ABI3BP: variants seen among roughly 807,000 people sequenced by gnomAD.
The protein encoded by ABI3BP is ABI family member 3 binding protein.
Under a neutral mutation model 268.6 loss-of-function variants are expected in ABI3BP, and 216 were observed. The ratio of observed to expected loss-of-function variants is 0.80; its 90% CI spans 0.72 to 0.90. ABI3BP has a LOEUF of 0.90. ABI3BP is among the 40% of genes least tolerant of loss of function. The pLI is 0.00. For synonymous variants in ABI3BP, 730 were observed against 730.0 expected (o/e 1.00, Z 0.00); for missense variants, 2,090 against 2,182.4 (o/e 0.96, Z 0.84).
chr3:100,778,395 G>A lies in ABI3BP; in HGVS notation c.4241-19C>T. The A allele has an allele frequency of 1.2e-6, 2 of 1,600,472 alleles. No homozygotes were observed. Among genetic ancestry groups the A allele is most frequent in the Non-Finnish European group, 1.7e-6 (2 of 1,170,486 alleles). On this transcript the variant is annotated intron_variant, in intron 58 of 67. Transcript: ENST00000471714. ...CGAGTCCCTGGGATTGTGGATAAGA[G>A]ATTGTATTTTAGATAAAGCCATCAT...
rs1287483018 is a variant in ABI3BP at position 100,810,474 on chromosome 3, G to A, written c.3545C>T (p.Thr1182Met). The change falls in exon 49 of 68, where the codon ACG (threonine) becomes ATG (methionine). Residue 1182 changes from threonine (T) to methionine (M), a missense_variant. Thr to Met is a moderately conservative substitution (Grantham distance 81, BLOSUM62 -1). Transcript: ENST00000471714. ...VSEPPETTLE[T>M]SPLPSQSITL... ...TATAGATTGAGAAGGCAGAGGCGACGTTTCTATGGTAATTGAAGGAAAGTA... is the reference window on the plus strand; with the variant it reads ...TATAGATTGAGAAGGCAGAGGCGACATTTCTATGGTAATTGAAGGAAAGTA... 11 of 1,534,430 alleles carry A rather than the reference G, an allele frequency of 7.2e-6. No individual in the cohort carries two copies. Among genetic ancestry groups the A allele is most frequent in the Middle Eastern group, 1.7e-4 (1 of 6,000 alleles).
At position 100,750,384 on chromosome 3, in the gene ABI3BP, G is replaced by T; in HGVS notation, c.*111C>A. 1 of 704,942 alleles carries T rather than the reference G, an allele frequency of 1.4e-6. No individual in the cohort carries two copies. Among genetic ancestry groups the T allele is most frequent in the Non-Finnish European group, 2.3e-6 (1 of 433,148 alleles). The allele number at this position is 704,942 out of a possible 1,614,324, so 43.7% of individuals were successfully genotyped here. On this transcript the variant is annotated 3_prime_UTR_variant, in exon 68 of 68. Coordinates refer to ENST00000471714, the MANE Select transcript of ABI3BP (RefSeq NM_001375547.2). ...AAACATCTAGTATTGCTATTAATTA[G>T]ATTGTAGACTTTTATACATAGTAAA...
At chr3:100,772,542 A>G (rs1559956535) in intron 61 of ABI3BP, among the ~76,000 whole-genome samples, 4 of 152,212 alleles carry the variant, frequency 2.6e-5, no homozygotes, top group African/African-American at 7.2e-5. Context: ...GCAGATTGTG[A>G]TAAATTAAAG....
At chr3:100,903,999 A>G (rs1290528423) in intron 2 of ABI3BP, among the ~76,000 whole-genome samples, 1 of 152,156 alleles carries the variant, frequency 6.6e-6, no homozygotes, top group Non-Finnish European at 1.5e-5. Flanking sequence ...GGAATGCTGG[A>G]CCCAAATCAA....
chr3:100,823,416 A>G lies in ABI3BP; in HGVS notation c.2803+42T>C, dbSNP rs1190953937. 46 of 1,481,264 alleles carry G rather than the reference A, an allele frequency of 3.1e-5. No homozygotes were observed. In the Admixed American group the frequency reaches 8.8e-4, roughly 28 times the overall value. 91.8% of individuals were successfully genotyped at this position (1,481,264 alleles called of 1,614,324 possible). A position where few individuals can be genotyped will look rare whatever the true frequency, so the allele number is the denominator to read the frequency against. ...ACAAATTGAAACTCTAGGTTTGACA[A>G]TAAGCAAAAGAAGCTTGTCGAAAAC... On this transcript the variant is annotated intron_variant, in intron 37 of 67. Transcript: ENST00000471714.
chr3:100,778,577 C>A (rs1165640367), intron 58 of ABI3BP: 1 of 590,942 alleles, frequency 1.7e-6, no homozygotes, highest in Non-Finnish European at 3.0e-6. Flanking sequence ...CCAGGGACAA[C>A]AACGCACTGT....
chr3:100,958,604 G>A (rs748872854), intron 1 of ABI3BP, among the ~76,000 whole-genome samples: 4 of 116,838 alleles, frequency 3.4e-5, no homozygotes, highest in South Asian at 3.6e-4. Flanking sequence ...CCACCTTTGC[G>A]ACAAGCAAGA....
At position 100,750,157 on chromosome 3, in the gene ABI3BP, T is replaced by C. The variant is rs1288111672; in HGVS notation, c.*338A>G. On this transcript the variant is annotated 3_prime_UTR_variant, in exon 68 of 68. Coordinates refer to ENST00000471714, the MANE Select transcript of ABI3BP (RefSeq NM_001375547.2). ...AAATTTTTTTTAAAAAGTATATACC[T>C]TTTTGATGTTAATTTTGTTATAAAA... is the stretch of plus-strand genomic sequence containing the variant. 15 of 217,898 alleles carry C rather than the reference T, an allele frequency of 6.9e-5. No homozygotes were observed. The highest frequency in any genetic ancestry group is 1.3e-4 in the Non-Finnish European group (15 of 112,274). The allele number at this position is 217,898 out of a possible 1,614,324, so 13.5% of individuals were successfully genotyped here.
At chr3:100,902,995 A>C (rs1033363706) in intron 2 of ABI3BP, among the ~76,000 whole-genome samples, 1 of 152,202 alleles carries the variant, frequency 6.6e-6, no homozygotes, top group Non-Finnish European at 1.5e-5. Flanking sequence ...ATATATTTTA[A>C]AAAATCAGAG....
Position 100,765,959 on chromosome 3 carries a change from G to GA in ABI3BP, c.4742-11dup. 3 of 1,581,376 alleles carry GA rather than the reference G, an allele frequency of 1.9e-6. No individual in the cohort carries two copies. The highest frequency in any genetic ancestry group is 1.7e-4 in the Middle Eastern group (1 of 5,996). On this transcript the variant is annotated splice_polypyrimidine_tract_variant and intron_variant, in intron 62 of 67. Transcript: ENST00000471714. ...GATATAACTTCATATTCTGTAAAGC[G>GA]AAAGAAGCCAACAGATACTTGTTTT...
At chr3:100,875,027 C>T in intron 8 of ABI3BP, 94 bp from the exon 9 acceptor site, 1 of 631,390 alleles carries the variant, frequency 1.6e-6, no homozygotes, top group Non-Finnish European at 2.6e-6. Context: ...AACTATGAAG[C>T]ATAGCACTTA....
intron 9 of ABI3BP, among the ~76,000 whole-genome samples, chr3:100,871,748 G>A (rs1046922887): frequency 3.3e-5 from 5 of 152,108 alleles, no homozygotes; most frequent in Admixed American, 6.6e-5. Context: ...GTCCAGTCTC[G>A]GGTATATCTT....
intron 34 of ABI3BP, among the ~76,000 whole-genome samples, chr3:100,827,837 G>T (rs2098416232): frequency 6.6e-6 from 1 of 152,102 alleles, no homozygotes; most frequent in South Asian, 2.1e-4. Flanking sequence ...TTATGATGGA[G>T]ACTAGGGGGA....
At position 100,817,455 on chromosome 3, in the gene ABI3BP, C is replaced by G; in HGVS notation, c.3129G>C (p.Lys1043Asn). 6.6e-7 allele frequency: 1 copy of G among 1,509,916 alleles called. No homozygotes were observed. The highest frequency in any genetic ancestry group is 8.8e-7 in the Non-Finnish European group (1 of 1,130,466). The allele number at this position is 1,509,916 out of a possible 1,614,324, so 93.5% of individuals were successfully genotyped here. Residue 1043 changes from lysine (K) to asparagine (N), a missense_variant, in exon 42 of 68, where the codon AAG becomes AAC. Transcript: ENST00000471714. ...TVLEPDTFRT[K>N]FPETTLAPKT... Reference sequence around the variant, plus strand: ...CATTACCTAACGTTGTTTCTGGAAACTTGGTTCTAAAAGTGTCAGGTTCAA... The same window carrying G: ...CATTACCTAACGTTGTTTCTGGAAAGTTGGTTCTAAAAGTGTCAGGTTCAA...
chr3:100,941,434 C>T (rs962084169), intron 1 of ABI3BP, among the ~76,000 whole-genome samples: 1 of 152,080 alleles, frequency 6.6e-6, no homozygotes, highest in Non-Finnish European at 1.5e-5. Flanking sequence ...ACCAAATACC[C>T]AGAAGACGGT....
intron 1 of ABI3BP, among the ~76,000 whole-genome samples, chr3:100,961,164 A>C (rs2078967275): frequency 6.6e-6 from 1 of 152,242 alleles, no homozygotes; most frequent in African/African-American, 2.4e-5. Flanking sequence ...TAAAGAAAGA[A>C]GTTGCTGGGG....
chr3:100,925,838 A>G (rs1403454645), intron 2 of ABI3BP, among the ~76,000 whole-genome samples: 1 of 145,172 alleles, frequency 6.9e-6, no homozygotes, highest in Non-Finnish European at 1.5e-5. Context: ...GCAATATAAA[A>G]TTTTATAATA....
chr3:100,883,816 A>C (rs1280231874), intron 6 of ABI3BP, among the ~76,000 whole-genome samples: 1 of 152,104 alleles, frequency 6.6e-6, no homozygotes, highest in African/African-American at 2.4e-5. Context: ...ATTGTGAACA[A>C]AGCTTTATCA....
At chr3:100,903,718 C>T (rs1582773716) in intron 2 of ABI3BP, among the ~76,000 whole-genome samples, 5 of 152,320 alleles carry the variant, frequency 3.3e-5, no homozygotes, top group Admixed American at 3.3e-4. Flanking sequence ...GAGCTGACCT[C>T]TTTTCAGATG....
Sources: gnomAD v4.1 joint callset for allele counts (sites outside exome capture counted in the v4.1 genomes callset) on GRCh38, gnomAD v4.1.1 for gene constraint, MANE v1.5 for transcripts, NCBI Gene and HGNC (gene_info 2026-07-23, HGNC 2026-07-21) for gene names.